The following NRG1 variants were observed in gnomAD, a reference collection of about 807,000 sequenced individuals.
NRG1 encodes neuregulin 1, also known as pro-neuregulin-1, membrane-bound isoform.
A neutral mutation model predicts 63.8 loss-of-function variants in NRG1; 18 were observed. That is an observed-to-expected ratio of 0.28 (90% CI 0.19 to 0.42). NRG1 has a LOEUF of 0.42. NRG1 is among the 10% of genes least tolerant of loss of function. NRG1 has a pLI of 1.00. For synonymous variants in NRG1, 302 were observed against 301.3 expected (o/e 1.00, Z -0.02); for missense variants, 762 against 814.7 (o/e 0.94, Z 0.79).
chr8:32,636,438 G>A (rs916245266), intron 5 of NRG1, among the ~76,000 whole-genome samples: 1 of 152,194 alleles, frequency 6.6e-6, no homozygotes, highest in African/African-American at 2.4e-5. Context: ...TCCAGCAGCA[G>A]AGAAGCTCAA....
chr8:31,884,672 AT>A (rs1245450580), intron 1 of NRG1, among the ~76,000 whole-genome samples: 1 of 152,176 alleles, frequency 6.6e-6, no homozygotes, highest in African/African-American at 2.4e-5. Context: ...AGCCACATAT[AT>A]ATTTGATAAT....
intron 7 of NRG1, among the ~76,000 whole-genome samples, chr8:32,753,787 A>G (rs1195721062): frequency 2.0e-5 from 3 of 152,226 alleles, no homozygotes; most frequent in Non-Finnish European, 4.4e-5. Context: ...CATGTTTGCA[A>G]ATGTCTTTGA....
intron 1 of NRG1, among the ~76,000 whole-genome samples, chr8:31,689,326 C>T (rs2131113594): frequency 6.6e-6 from 1 of 152,336 alleles, no homozygotes; most frequent in Non-Finnish European, 1.5e-5. Context: ...AACCTATGTG[C>T]TAGCTGTTCA....
chr8:31,815,621 C>A (rs1428016047), intron 1 of NRG1, among the ~76,000 whole-genome samples: 1 of 152,144 alleles, frequency 6.6e-6, no homozygotes, highest in Non-Finnish European at 1.5e-5. Context: ...AAGTAGATTG[C>A]TGCATCATAT....
At chr8:32,135,948 C>T (rs377095736) in intron 1 of NRG1, among the ~76,000 whole-genome samples, 1 of 148,064 alleles carries the variant, frequency 6.8e-6, no homozygotes, top group South Asian at 2.2e-4. Context: ...AACAGCCATG[C>T]GGGAGTGATT....
intron 1 of NRG1, among the ~76,000 whole-genome samples, chr8:32,073,233 A>T (rs1826008824): frequency 6.6e-6 from 1 of 152,184 alleles, no homozygotes; most frequent in African/African-American, 2.4e-5. Flanking sequence ...GAGGCAGAAG[A>T]TAGCTAATGC....
chr8:32,210,218 G>GT (rs932346616), intron 1 of NRG1, among the ~76,000 whole-genome samples: 3 of 151,784 alleles, frequency 2.0e-5, no homozygotes, highest in East Asian at 1.9e-4. Context: ...TTTGTTTTTT[G>GT]TTTTTTTCTA....
intron 1 of NRG1, among the ~76,000 whole-genome samples, chr8:31,711,938 G>T (rs1439584784): frequency 6.6e-6 from 1 of 152,054 alleles, no homozygotes; most frequent in African/African-American, 2.4e-5. Context: ...CCTCCCAAAG[G>T]TCCCATCTCC....
chr8:31,654,593 T>A (rs1805235556), intron 1 of NRG1, among the ~76,000 whole-genome samples: 3 of 152,184 alleles, frequency 2.0e-5, no homozygotes, highest in African/African-American at 7.2e-5. Flanking sequence ...TGCTCACAGG[T>A]CAATAAGGGA....
chr8:32,224,124 G>A (rs566863465), intron 1 of NRG1, among the ~76,000 whole-genome samples: 3 of 152,266 alleles, frequency 2.0e-5, no homozygotes, highest in East Asian at 3.9e-4. Context: ...GAAGATGAGC[G>A]AAAAGTACAA....
intron 1 of NRG1, among the ~76,000 whole-genome samples, chr8:32,111,210 G>A (rs576992509): frequency 2.0e-5 from 3 of 152,112 alleles, no homozygotes; most frequent in African/African-American, 4.8e-5. Flanking sequence ...TCTGCCTCCC[G>A]GGTTCAAGCA....
chr8:31,935,583 A>C lies in NRG1; in HGVS notation c.37+296152A>C, dbSNP rs77310090. ...CTCATTGTTTTCCATCTGACAGGTG[A>C]GAAACTGAACCTCAGAGAGCATGGA... On this transcript the variant is annotated intron_variant, in intron 1 of 10. Coordinates refer to the NRG1 transcript ENST00000519301. Among the ~76,000 whole-genome samples, 1,188 of 152,278 alleles carry C rather than the reference A, an allele frequency of 7.8e-3. 17 individuals are homozygous for C. The highest frequency in any genetic ancestry group is 0.027 in the African/African-American group (1,133 of 41,566).
intron 1 of NRG1, among the ~76,000 whole-genome samples, chr8:32,242,659 A>G (rs1055881483): frequency 6.6e-6 from 1 of 152,158 alleles, no homozygotes; most frequent in African/African-American, 2.4e-5. Flanking sequence ...CACCAACCTA[A>G]TATTTCAGCA....
chr8:32,534,979 C>T (rs1432875641), intron 1 of NRG1, among the ~76,000 whole-genome samples: 1 of 152,086 alleles, frequency 6.6e-6, no homozygotes, highest in East Asian at 1.9e-4. Flanking sequence ...GCTAAAATGG[C>T]TCTATGGAAA....
intron 5 of NRG1, 73 bp downstream of exon 5, chr8:32,616,958 C>T (rs1471187409): frequency 1.1e-5 from 12 of 1,085,566 alleles, no homozygotes; most frequent in Admixed American, 3.5e-5. Context: ...GTCATGTTCA[C>T]GTCTATCTTC....
At chr8:32,143,977 C>A (rs1194100824) in intron 1 of NRG1, among the ~76,000 whole-genome samples, 2 of 152,264 alleles carry the variant, frequency 1.3e-5, no homozygotes, top group East Asian at 3.9e-4. Context: ...TTATGTTTAG[C>A]GTCAATTTCT....
At chr8:31,695,701 T>G (rs1442554923) in intron 1 of NRG1, among the ~76,000 whole-genome samples, 2 of 152,212 alleles carry the variant, frequency 1.3e-5, no homozygotes, top group African/African-American at 2.4e-5. Flanking sequence ...AGAATAAAGT[T>G]TTCTTATAAA....
intron 1 of NRG1, among the ~76,000 whole-genome samples, chr8:31,679,493 T>C (rs1440625949): frequency 6.6e-6 from 1 of 152,148 alleles, no homozygotes; most frequent in Admixed American, 6.6e-5. Flanking sequence ...ATAAATACAA[T>C]AATCTCAGAA....
At chr8:32,587,863 C>T (rs1841884214) in intron 1 of NRG1, among the ~76,000 whole-genome samples, 2 of 152,208 alleles carry the variant, frequency 1.3e-5, no homozygotes, top group South Asian at 4.2e-4. Flanking sequence ...TGTTTGATTT[C>T]GTAGGGATAA....
Sources: gnomAD v4.1 joint callset for allele counts (sites outside exome capture counted in the v4.1 genomes callset) on GRCh38, gnomAD v4.1.1 for gene constraint, MANE v1.5 for transcripts, NCBI Gene and HGNC (gene_info 2026-07-23, HGNC 2026-07-21) for gene names.